The following STRIP2 variants were observed in gnomAD, a reference collection of about 807,000 sequenced individuals.
STRIP2 encodes the protein striatin interacting protein 2, also known as striatin-interacting protein 2.
In STRIP2, 84 loss-of-function variants were observed where a neutral mutation model predicts 107.1. The observed-to-expected ratio is 0.78, with a 90% CI of 0.66 to 0.94. The LOEUF is 0.94. Ranked by LOEUF, STRIP2 falls within the 40% of genes least tolerant of loss-of-function variation. STRIP2 has a pLI of 0.00. For synonymous variants in STRIP2, 394 were observed against 400.4 expected (o/e 0.98, Z 0.19); for missense variants, 888 against 1,034.2 (o/e 0.86, Z 1.94).
intron 20 of STRIP2, 116 bp from the exon 21 acceptor site, chr7:129,485,455 CAAAAAAAA>C: frequency 2.6e-6 from 2 of 768,820 alleles, no homozygotes; most frequent in South Asian, 4.2e-5. Context: ...TTGCTCTTTA[CAAAAAAAA>C]AAAAAAAAAG....
Position 129,440,052 on chromosome 7 carries a change from G to C in STRIP2, c.160G>C (p.Glu54Gln), listed in dbSNP as rs746855917. The part of the protein sequence containing the change: ...GSVDCPTLEF[E>Q]YGDADGHAAE... Reference sequence around the variant, plus strand: ...TGTGGACTGTCCCACTCTGGAGTTTGAGTATGGAGATGCAGATGGGCATGC... The same window carrying C: ...TGTGGACTGTCCCACTCTGGAGTTTCAGTATGGAGATGCAGATGGGCATGC... Residue 54 changes from glutamate (E) to glutamine (Q), a missense_variant, in exon 2 of 21, where the codon GAG (glutamate) becomes CAG (glutamine). Transcript: ENST00000249344. 2.5e-6 allele frequency: 4 copies of C among 1,614,036 alleles called. No homozygotes were observed. Among genetic ancestry groups the C allele is most frequent in the Non-Finnish European group, 3.4e-6 (4 of 1,180,024 alleles).
intron 19 of STRIP2, among the ~76,000 whole-genome samples, chr7:129,481,838 G>A (rs977266811): frequency 1.3e-5 from 2 of 152,198 alleles, no homozygotes; most frequent in African/African-American, 4.8e-5. Flanking sequence ...ATAGAACAGT[G>A]TGGCAGGATA....
At chr7:129,470,760 A>G in intron 18 of STRIP2, 45 bp downstream of exon 18, 1 of 1,542,950 alleles carries the variant, frequency 6.5e-7, no homozygotes, top group Non-Finnish European at 9.0e-7. Flanking sequence ...GCTAGGTAGC[A>G]CAGGTTGGCA....
chr7:129,470,748 T>C (rs1251791883), intron 18 of STRIP2, 33 bp downstream of exon 18: 2 of 1,589,898 alleles, frequency 1.3e-6, no homozygotes, highest in East Asian at 2.2e-5. Flanking sequence ...GCCTTTGAAA[T>C]TGCTAGGTAG....
chr7:129,435,698 A>G (rs565220538), intron 1 of STRIP2, among the ~76,000 whole-genome samples: 1 of 152,330 alleles, frequency 6.6e-6, no homozygotes, highest in South Asian at 2.1e-4. Flanking sequence ...GAGATAATTG[A>G]CTATAAAATG....
chr7:129,444,226 G>A lies in STRIP2; in HGVS notation c.274+128G>A, dbSNP rs113411886. On this transcript the variant is annotated intron_variant, in intron 3 of 20. Transcript: ENST00000249344. Reference sequence around the variant, plus strand: ...TGTATTAGTTAGGGTTCTCTTAGAGGGATAGAACTAATATGATAAATAGAT... The same window carrying A: ...TGTATTAGTTAGGGTTCTCTTAGAGAGATAGAACTAATATGATAAATAGAT... The A allele has an allele frequency of 3.3e-5, 21 of 643,598 alleles. 1 individual carries two copies. Among genetic ancestry groups the A allele is most frequent in the African/African-American group, 1.8e-4 (10 of 54,212 alleles). The allele number at this position is 643,598 out of a possible 1,614,324, so 39.9% of individuals were successfully genotyped here.
chr7:129,460,271 C>T, intron 12 of STRIP2, 30 bp from the exon 13 acceptor site: 1 of 1,602,278 alleles, frequency 6.2e-7, no homozygotes, highest in Non-Finnish European at 8.5e-7. Context: ...AGGCCCTCAG[C>T]CCTTGTTGAT....
At chr7:129,444,844 T>C (rs1462900127) in intron 3 of STRIP2, among the ~76,000 whole-genome samples, 5 of 152,148 alleles carry the variant, frequency 3.3e-5, no homozygotes, top group African/African-American at 1.2e-4. Flanking sequence ...TAAATGCTGA[T>C]ATGAAGTCAA....
chr7:129,444,394 G>A (rs897972469), intron 3 of STRIP2, among the ~76,000 whole-genome samples: 1 of 152,198 alleles, frequency 6.6e-6, no homozygotes, highest in African/African-American at 2.4e-5. Context: ...TCGAGGGCAG[G>A]AACTATCCAG....
intron 3 of STRIP2, among the ~76,000 whole-genome samples, chr7:129,446,930 G>T (rs1316224340): frequency 6.6e-6 from 1 of 152,184 alleles, no homozygotes; most frequent in Non-Finnish European, 1.5e-5. Context: ...ATAGTCAAAC[G>T]TTCAGTTTCC....
intron 8 of STRIP2, among the ~76,000 whole-genome samples, chr7:129,456,175 C>T (rs1410473020): frequency 2.1e-5 from 3 of 146,118 alleles, no homozygotes; most frequent in East Asian, 2.0e-4. Flanking sequence ...TGAGGAGGCC[C>T]GCAGGAATTC....
intron 14 of STRIP2, among the ~76,000 whole-genome samples, chr7:129,463,535 G>A (rs1474307485): frequency 2.7e-5 from 4 of 149,292 alleles, no homozygotes; most frequent in African/African-American, 5.0e-5. Flanking sequence ...TCACTCTGTC[G>A]CCCAGGCTGG....
chr7:129,482,957 G>A lies in STRIP2; in HGVS notation c.2165G>A (p.Arg722His), dbSNP rs1425789181. Residue 722 changes from arginine (R) to histidine (H), a missense_variant, in exon 20 of 21, where the codon CGC (arginine) becomes CAC (histidine). By Grantham distance (29) the Arg-to-His change is conservative. Coordinates refer to ENST00000249344, the MANE Select transcript of STRIP2 (RefSeq NM_020704.3). ...LLKLQTKYLG[R>H]QWRKSNMKTM... ...AAGTTACAGACCAAGTACCTGGGGC[G>A]CCAATGGAGGAAAAGCAACATGAAA... 7 of 1,614,008 alleles carry A rather than the reference G, an allele frequency of 4.3e-6. No homozygotes were observed. The highest frequency in any genetic ancestry group is 2.2e-5 in the East Asian group (1 of 44,892).
intron 20 of STRIP2, 122 bp from the exon 21 acceptor site, chr7:129,485,457 A>ATGT: frequency 1.2e-6 from 1 of 836,952 alleles, no homozygotes; most frequent in Non-Finnish European, 1.6e-6. Flanking sequence ...GCTCTTTACA[A>ATGT]AAAAAAAAAA....
chr7:129,472,509 C>T (rs1428306358), intron 18 of STRIP2, among the ~76,000 whole-genome samples: 1 of 152,036 alleles, frequency 6.6e-6, no homozygotes, highest in Non-Finnish European at 1.5e-5. Flanking sequence ...TTGTGTGAAG[C>T]AATAGTGGCA....
chr7:129,440,064 G>A lies in STRIP2; in HGVS notation c.172G>A (p.Ala58Thr). The A allele has an allele frequency of 6.2e-7, 1 of 1,614,158 alleles. No individual in the cohort carries two copies. Among genetic ancestry groups the A allele is most frequent in the Non-Finnish European group, 8.5e-7 (1 of 1,180,014 alleles). ...CACTCTGGAGTTTGAGTATGGAGAT[G>A]CAGATGGGCATGCAGCCGAGTTGTC... ...CPTLEFEYGD[A>T]DGHAAELSEL... Residue 58 changes from alanine to threonine, a missense_variant, in exon 2 of 21, where the codon GCA (alanine) becomes ACA (threonine). Coordinates refer to ENST00000249344, the MANE Select transcript of STRIP2 (RefSeq NM_020704.3).
intron 13 of STRIP2, among the ~76,000 whole-genome samples, chr7:129,462,470 G>A (rs948337625): frequency 6.6e-6 from 1 of 152,214 alleles, no homozygotes; most frequent in Admixed American, 6.5e-5. Flanking sequence ...AGAGATAGTT[G>A]TATATGAGGG....
In STRIP2 at chr7:129,454,514, C is replaced by T. The variant is rs1798288533; in HGVS notation, c.693C>T (p.Phe231=). Residue 231 remains phenylalanine, a synonymous_variant, in exon 7 of 21, where the codon TTC becomes TTT. Transcript: ENST00000249344. The part of the protein sequence containing the change: ...PCGWRTARET[F]RTELSFSMHN... ...GGTGGAGAACAGCCCGGGAGACCTT[C>T]CGCACTGAATTAAGTAAGAAATGGC... 6.2e-6 allele frequency: 10 copies of T among 1,612,088 alleles called. No individual in the cohort carries two copies. The highest frequency in any genetic ancestry group is 8.5e-6 in the Non-Finnish European group (10 of 1,178,270).
Position 129,487,545 on chromosome 7 carries a change from TG to T in STRIP2, c.*1717del, listed in dbSNP as rs1277143306. The stretch of plus-strand genomic sequence containing the variant: ...AAGTAAATTTTGGATTTTGCCTCTT[TG>T]TGCTTTAAAGTACCAGGATTTCTGT... On this transcript the variant is annotated 3_prime_UTR_variant, in exon 21 of 21. Transcript: ENST00000249344. The T allele has an allele frequency of 4.6e-5, 7 of 152,276 alleles. No homozygotes were observed. Among genetic ancestry groups the T allele is most frequent in the Non-Finnish European group, 8.8e-5 (6 of 68,044 alleles). 9.4% of individuals were successfully genotyped at this position (152,276 alleles called of 1,614,324 possible).
Sources: allele counts gnomAD v4.1 joint callset (sites outside exome capture counted in the v4.1 genomes callset), GRCh38; gene constraint gnomAD v4.1.1; transcripts MANE v1.5; gene names NCBI Gene and HGNC (gene_info 2026-07-23, HGNC 2026-07-21).